Variants in ATXN2 observed in about 807,000 individuals in gnomAD.
The protein encoded by ATXN2 is ataxin-2.
A neutral mutation model predicts 138.6 loss-of-function variants in ATXN2; 37 were observed. That is an observed-to-expected ratio of 0.27 (90% CI 0.21 to 0.35). ATXN2 has a LOEUF of 0.35. ATXN2 is among the 10% of genes least tolerant of loss of function. ATXN2 has a pLI of 1.00. For missense variants in ATXN2, 1,216 were observed against 1,480.3 expected, an observed-to-expected ratio of 0.82 and a Z score of 2.93; for synonymous variants, 549 against 543.7, an observed-to-expected ratio of 1.01 and a Z score of -0.13.
At chr12:111,554,609 A>G (rs531773015) in intron 2 of ATXN2, among the ~76,000 whole-genome samples, 109 of 152,338 alleles carry the variant, frequency 7.2e-4, no homozygotes, top group Non-Finnish European at 1.3e-3. Flanking sequence ...TTGACTAAAC[A>G]TGACATAAAA....
chr12:111,492,466 G>A (rs1878099594), intron 14 of ATXN2, among the ~76,000 whole-genome samples: 1 of 152,160 alleles, frequency 6.6e-6, no homozygotes, highest in African/African-American at 2.4e-5. Flanking sequence ...GACAGATCAC[G>A]AGGTTAGGAG....
intron 1 of ATXN2, among the ~76,000 whole-genome samples, chr12:111,577,318 T>G (rs1224219404): frequency 6.6e-6 from 1 of 152,104 alleles, no homozygotes; most frequent in Admixed American, 6.6e-5. Flanking sequence ...CAGGCTGGAG[T>G]GCAGTGGCAC....
intron 1 of ATXN2, among the ~76,000 whole-genome samples, chr12:111,565,764 G>A (rs1238858114): frequency 6.6e-6 from 1 of 152,172 alleles, no homozygotes; most frequent in Non-Finnish European, 1.5e-5. Flanking sequence ...GGGAGGCCAA[G>A]GCAGGTGGAT....
intron 1 of ATXN2, among the ~76,000 whole-genome samples, chr12:111,572,069 A>G (rs1883351273): frequency 6.6e-6 from 1 of 151,630 alleles, no homozygotes; most frequent in African/African-American, 2.4e-5. Context: ...AACATACACA[A>G]AAAAATGGGA....
At position 111,525,210 on chromosome 12, in the gene ATXN2, C is replaced by T. The variant is rs778248312; in HGVS notation, c.678G>A (p.Glu226=). ...TACTTACTACGTCATTTTCCAAAGC[C>T]TCAAGTTCCTCATTGGCTGTGAGTT... is the stretch of plus-strand genomic sequence containing the variant. ...AGELTANEEL[E]ALENDVSNGW... is the part of the protein sequence containing the mutation. Residue 226 remains glutamate (E), a synonymous_variant, in exon 6 of 25, where the codon GAG becomes GAA. Transcript: ENST00000673436. 4.3e-6 allele frequency: 7 copies of T among 1,611,992 alleles called. No individual in the cohort carries two copies. The East Asian group carries it at 6.7e-5, about 15-fold the overall frequency.
intron 5 of ATXN2, among the ~76,000 whole-genome samples, chr12:111,540,881 G>C (rs2135769679): frequency 6.7e-6 from 1 of 149,932 alleles, no homozygotes; most frequent in East Asian, 1.9e-4. Context: ...ATTTTTAGTA[G>C]AGATGGGGTT....
intron 21 of ATXN2, among the ~76,000 whole-genome samples, chr12:111,460,298 T>C (rs1875474120): frequency 6.6e-6 from 1 of 152,172 alleles, no homozygotes; most frequent in South Asian, 2.1e-4. Flanking sequence ...GGTCTTGAAC[T>C]CCTGACCTCA....
chr12:111,456,920 T>C (rs1310246000), intron 22 of ATXN2, among the ~76,000 whole-genome samples: 2 of 151,978 alleles, frequency 1.3e-5, no homozygotes, highest in Non-Finnish European at 2.9e-5. Flanking sequence ...GCTAATTTTT[T>C]TGTATTTTTA....
At chr12:111,554,311 C>A (rs546014374) in intron 2 of ATXN2, 94 bp from the exon 3 acceptor site, 56 of 865,428 alleles carry the variant, frequency 6.5e-5, no homozygotes, top group Non-Finnish European at 8.8e-5. Flanking sequence ...TTTTAGACTG[C>A]GGATTTTTTT....
chr12:111,506,670 G>C lies in ATXN2; in HGVS notation c.1935+2879C>G, dbSNP rs1053831329. ...TCCCCCTCCTTCTCCTTCTCCCCAC[G>C]GTCTCCCTCTCCCTCTCTTTCCACG... On this transcript the variant is annotated intron_variant, in intron 14 of 24. Transcript: ENST00000673436. Among the ~76,000 whole-genome samples the C allele has an allele frequency of 8.0e-5, 5 of 62,218 alleles. No individual in the cohort carries two copies. The South Asian group carries it at 1.8e-3, about 22-fold the overall frequency. The allele number at this position is 62,218 out of a possible 152,430, so 40.8% of individuals were successfully genotyped here. A position where few individuals can be genotyped will look rare whatever the true frequency, so the allele number is the denominator to read the frequency against.
chr12:111,581,548 TGTC>T lies in ATXN2; in HGVS notation c.251+17233_251+17235del, dbSNP rs557643801. The T allele has an allele frequency of 6.1e-4, 587 of 966,210 alleles. 1 individual carries two copies. In the African/African-American group the frequency reaches 7.8e-3, roughly 13 times the overall value. The allele number at this position is 966,210 out of a possible 1,614,324, so 59.9% of individuals were successfully genotyped here. A position where few individuals can be genotyped will look rare whatever the true frequency, so the allele number is the denominator to read the frequency against. ...ACAGCGAGAACTCCGTGCCCGACCATGTCGTCTGGTCCCTGTTCAACACCCACT... is the reference window on the plus strand; with the variant it reads ...ACAGCGAGAACTCCGTGCCCGACCATGTCTGGTCCCTGTTCAACACCCACT... On this transcript the variant is annotated intron_variant, in intron 1 of 24. Coordinates refer to ENST00000673436, the MANE Select transcript of ATXN2 (RefSeq NM_001372574.1).
intron 14 of ATXN2, among the ~76,000 whole-genome samples, chr12:111,495,424 A>C (rs1712162418): frequency 6.6e-6 from 1 of 152,198 alleles, no homozygotes; most frequent in Middle Eastern, 3.2e-3. Context: ...TGCAAATGGA[A>C]ACCAGAAAAG....
Position 111,453,562 on chromosome 12 carries a change from G to A in ATXN2, c.3439+115C>T, listed in dbSNP as rs757859007. On this transcript the variant is annotated intron_variant, in intron 24 of 24. Coordinates refer to ENST00000673436, the MANE Select transcript of ATXN2 (RefSeq NM_001372574.1). The surrounding 1 kb of genome is among the most constrained non-coding windows in gnomAD (Gnocchi z 5.4). ...GTCCCTCCTGTGCACACTCCTGGAC[G>A]GGTCTTGCTAGTTCTCAAATGCGGG... The A allele has an allele frequency of 2.3e-5, 33 of 1,441,556 alleles. No homozygotes were observed. Among genetic ancestry groups the A allele is most frequent in the African/African-American group, 2.9e-5 (2 of 69,624 alleles). The allele number at this position is 1,441,556 out of a possible 1,614,324, so 89.3% of individuals were successfully genotyped here.
At chr12:111,556,944 G>T (rs1882423979) in intron 1 of ATXN2, among the ~76,000 whole-genome samples, 1 of 151,594 alleles carries the variant, frequency 6.6e-6, no homozygotes, top group Non-Finnish European at 1.5e-5. Flanking sequence ...GTGGATCGTT[G>T]TAACAAGTGC....
intron 1 of ATXN2, among the ~76,000 whole-genome samples, chr12:111,586,388 G>GTTTTT (rs759694846): frequency 8.7e-6 from 1 of 114,862 alleles, no homozygotes; most frequent in Non-Finnish European, 1.9e-5. Context: ...CCCAAGTCTG[G>GTTTTT]TTTTTTTTTT....
chr12:111,493,127 TAAAC>T (rs888661556), intron 14 of ATXN2, among the ~76,000 whole-genome samples: 4 of 151,942 alleles, frequency 2.6e-5, no homozygotes, highest in Non-Finnish European at 4.4e-5. Context: ...TATTTGAAAA[TAAAC>T]AACCAAGTTG....
chr12:111,544,884 G>C (rs1485864640), intron 5 of ATXN2, among the ~76,000 whole-genome samples: 1 of 152,226 alleles, frequency 6.6e-6, no homozygotes, highest in Non-Finnish European at 1.5e-5. Context: ...TTTGGGCCCA[G>C]TGCGGTGGCT....
At chr12:111,512,967 G>C (rs1879630180) in intron 11 of ATXN2, 1 of 171,920 alleles carries the variant, frequency 5.8e-6, no homozygotes, top group Non-Finnish European at 1.2e-5. Flanking sequence ...AAAAAGATAA[G>C]GAAATACGGT....
rs1445233114 is a variant in ATXN2, at chr12:111,516,461, C to A, written c.1166-98G>T. The A allele has an allele frequency of 8.5e-6, 10 of 1,177,858 alleles. No individual in the cohort carries two copies. The highest frequency in any genetic ancestry group is 1.2e-5 in the Non-Finnish European group (10 of 841,128). The allele number at this position is 1,177,858 out of a possible 1,614,324, so 73.0% of individuals were successfully genotyped here. A position where few individuals can be genotyped will look rare whatever the true frequency, so the allele number is the denominator to read the frequency against. On this transcript the variant is annotated intron_variant, in intron 9 of 24. Coordinates refer to ENST00000673436, the MANE Select transcript of ATXN2 (RefSeq NM_001372574.1). The surrounding 1 kb of genome is among the most constrained non-coding windows in gnomAD (Gnocchi z 5.0). The stretch of plus-strand genomic sequence containing the variant: ...AAAAGTAAAATGACAAAAATGATTT[C>A]TTGTACATTTTAACCCTTTGAGGAC...
Sources: gnomAD v4.1 joint callset for allele counts (sites outside exome capture counted in the v4.1 genomes callset) on GRCh38, gnomAD v4.1.1 for gene constraint, Gnocchi (gnomAD v3.1) non-coding constraint, MANE v1.5 for transcripts, NCBI Gene and HGNC (gene_info 2026-07-23, HGNC 2026-07-21) for gene names.